PCDHGA3: variants seen among roughly 807,000 people sequenced by gnomAD.
PCDHGA3 encodes protocadherin gamma-A3.
In PCDHGA3, 40 loss-of-function variants were observed where a neutral mutation model predicts 58.5. The observed-to-expected ratio is 0.68, with a 90% confidence interval of 0.53 to 0.89. PCDHGA3 has a LOEUF of 0.89. PCDHGA3 is among the 40% of genes least tolerant of loss of function. PCDHGA3 has a pLI of 0.00. For missense variants in PCDHGA3, 1,223 were observed against 1,195.9 expected (o/e 1.02, Z -0.33); for synonymous variants, 530 against 525.7 (o/e 1.01, Z -0.11).
intron 1 of PCDHGA3, chr5:141,376,511 A>T (rs1772759246): frequency 6.2e-7 from 1 of 1,613,966 alleles, no homozygotes; most frequent in Non-Finnish European, 8.5e-7. Flanking sequence ...ACTTCAGGTG[A>T]GTTTCTTTCC....
Position 141,345,230 on chromosome 5 carries a change from T to A in PCDHGA3, c.1197T>A (p.Asp399Glu), listed in dbSNP as rs1422786887. The A allele has an allele frequency of 6.2e-7, 1 of 1,613,746 alleles. No individual in the cohort carries two copies. Among genetic ancestry groups the A allele is most frequent in the Admixed American group, 1.7e-5 (1 of 60,006 alleles). Reference sequence around the variant, plus strand: ...CATTTAAGTTAGAAAAATCAATAGATCAATATTACCGCTTAGTGACGGCCA... The same window carrying A: ...CATTTAAGTTAGAAAAATCAATAGAACAATATTACCGCTTAGTGACGGCCA... ...NLPFKLEKSI[D>E]QYYRLVTATS... Residue 399 changes from aspartate to glutamate, a missense_variant, in exon 1 of 4, where the codon GAT becomes GAA. This residue lies in a region of PCDHGA3 where 791 missense variants were observed against 708.5 expected (regional missense o/e 1.12). Coordinates refer to ENST00000253812, the MANE Select transcript of PCDHGA3 (RefSeq NM_018916.4).
At chr5:141,377,605 C>CAAAA (rs71576112) in intron 1 of PCDHGA3, 1 of 140,670 alleles carries the variant, frequency 7.1e-6, no homozygotes. Flanking sequence ...CTCTCTCTCT[C>CAAAA]AAAAAAAAAA....
chr5:141,424,880 C>G (rs2096845847), intron 1 of PCDHGA3, among the ~76,000 whole-genome samples: 1 of 152,162 alleles, frequency 6.6e-6, no homozygotes, highest in Admixed American at 6.5e-5. Context: ...GGAAAGGAGA[C>G]TTATCTAGGG....
chr5:141,388,016 C>T lies in PCDHGA3; in HGVS notation c.2424+41559C>T, dbSNP rs1026420398. Reference sequence around the variant, plus strand: ...GGATTCCCGAGGAAATGCCCAAGGGCTCCGTAGTGGGGAACCTCGCCACGG... The same window carrying T: ...GGATTCCCGAGGAAATGCCCAAGGGTTCCGTAGTGGGGAACCTCGCCACGG... On this transcript the variant is annotated intron_variant, in intron 1 of 3. Coordinates refer to ENST00000253812, the MANE Select transcript of PCDHGA3 (RefSeq NM_018916.4). 4.1e-6 allele frequency: 6 copies of T among 1,465,422 alleles called. No individual in the cohort carries two copies. In the African/African-American group the frequency reaches 7.1e-5, roughly 17 times the overall value. The allele number at this position is 1,465,422 out of a possible 1,614,324, so 90.8% of individuals were successfully genotyped here.
chr5:141,465,574 C>T (rs1477852984), intron 1 of PCDHGA3, among the ~76,000 whole-genome samples: 2 of 152,160 alleles, frequency 1.3e-5, no homozygotes, highest in Admixed American at 1.3e-4. Context: ...TTTCTCAAAA[C>T]ACTCTCATAA....
At chr5:141,409,867 C>T (rs376725837) in intron 1 of PCDHGA3, 35 of 1,612,662 alleles carry the variant, frequency 2.2e-5, no homozygotes, top group African/African-American at 2.1e-4. Flanking sequence ...TGGGAGACCG[C>T]AATGACAACG....
In PCDHGA3 at chr5:141,346,554, G is replaced by A. The variant is rs773661816; in HGVS notation, c.2424+97G>A. On this transcript the variant is annotated intron_variant, in intron 1 of 3. Coordinates refer to ENST00000253812, the MANE Select transcript of PCDHGA3 (RefSeq NM_018916.4). ...ATGTATTTGAGAAATAAAGCCATGA[G>A]GTTGTCATTAGTCCTTTGACTAAAT... is the stretch of plus-strand genomic sequence containing the variant. The A allele has an allele frequency of 5.3e-6, 8 of 1,507,182 alleles. No individual in the cohort carries two copies. In the Admixed American group the frequency reaches 8.2e-5, roughly 15 times the overall value. The allele number at this position is 1,507,182 out of a possible 1,614,324, so 93.4% of individuals were successfully genotyped here.
At position 141,345,240 on chromosome 5, in the gene PCDHGA3, C is replaced by G. The variant is rs757266874; in HGVS notation, c.1207C>G (p.Arg403Gly). The change falls in exon 1 of 4, where the codon CGC becomes GGC. Residue 403 changes from arginine (R) to glycine (G), a missense_variant. By Grantham distance (125) the Arg-to-Gly change is moderately radical (BLOSUM62 -2). Transcript: ENST00000253812. Reference sequence around the variant, plus strand: ...AGAAAAATCAATAGATCAATATTACCGCTTAGTGACGGCCACATCCCTGGA... The same window carrying G: ...AGAAAAATCAATAGATCAATATTACGGCTTAGTGACGGCCACATCCCTGGA... ...KLEKSIDQYY[R>G]LVTATSLDRE... The G allele has an allele frequency of 1.9e-6, 3 of 1,613,924 alleles. No individual in the cohort carries two copies. Among genetic ancestry groups the G allele is most frequent in the South Asian group, 1.1e-5 (1 of 91,078 alleles).
At chr5:141,366,768 G>A (rs903318821) in intron 1 of PCDHGA3, 26 of 1,601,610 alleles carry the variant, frequency 1.6e-5, no homozygotes, top group Non-Finnish European at 2.0e-5. Flanking sequence ...TTTCTCTTTC[G>A]GTAAGGATGA....
At chr5:141,354,323 T>C (rs552876054) in intron 1 of PCDHGA3, among the ~76,000 whole-genome samples, 3 of 152,226 alleles carry the variant, frequency 2.0e-5, no homozygotes, top group Non-Finnish European at 4.4e-5. Flanking sequence ...TACTACTCTA[T>C]GAAAGGTATT....
chr5:141,494,855 G>C lies in PCDHGA3; in HGVS notation c.2473G>C (p.Gly825Arg), dbSNP rs200418116. The C allele has an allele frequency of 6.2e-7, 1 of 1,614,092 alleles. No homozygotes were observed. Among genetic ancestry groups the C allele is most frequent in the South Asian group, 1.1e-5 (1 of 91,072 alleles). ...DWRFSQAQRP[G>R]TSGSQNGDDT... is the part of the protein sequence containing the mutation. ...GCGTTTCTCTCAGGCCCAGAGACCC[G>C]GCACCAGCGGGTAGGTGACTGATTC... The change falls in exon 2 of 4, where the codon GGC (glycine) becomes CGC (arginine). Residue 825 changes from glycine (G) to arginine (R), a missense_variant. Transcript: ENST00000253812.
intron 1 of PCDHGA3, chr5:141,392,820 G>C (rs1474865202): frequency 1.3e-6 from 2 of 1,592,748 alleles, no homozygotes; most frequent in Admixed American, 3.6e-5. Context: ...AACAATGGCC[G>C]CTCCACAGAG....
intron 1 of PCDHGA3, chr5:141,479,660 A>G (rs1206947602): frequency 6.6e-6 from 1 of 152,266 alleles, no homozygotes; most frequent in African/African-American, 2.4e-5. Flanking sequence ...ACAATCCCAG[A>G]AACTACAAAA....
At chr5:141,460,961 A>ATATGTGTG (rs1463306338) in intron 1 of PCDHGA3, among the ~76,000 whole-genome samples, 3 of 144,556 alleles carry the variant, frequency 2.1e-5, no homozygotes, top group African/African-American at 7.8e-5. Context: ...GTATATATAT[A>ATATGTGTG]TGTGTGTGTG....
chr5:141,425,795 T>A (rs2096894407), intron 1 of PCDHGA3, among the ~76,000 whole-genome samples: 1 of 152,244 alleles, frequency 6.6e-6, no homozygotes, highest in Non-Finnish European at 1.5e-5. Flanking sequence ...TTCCAATATG[T>A]GCATTGCTTC....
chr5:141,443,118 C>A (rs1474257262), intron 1 of PCDHGA3, among the ~76,000 whole-genome samples: 1 of 151,762 alleles, frequency 6.6e-6, no homozygotes, highest in Non-Finnish European at 1.5e-5. Flanking sequence ...GCTTTTCAAA[C>A]CAGATTAAGA....
chr5:141,465,627 A>C lies in PCDHGA3; in HGVS notation c.2425-29180A>C, dbSNP rs370355596. 1.1e-4 allele frequency among the ~76,000 whole-genome samples: 17 copies of C among 152,326 alleles called. 1 individual carries two copies. The South Asian group carries it at 3.3e-3, about 30-fold the overall frequency. On this transcript the variant is annotated intron_variant, in intron 1 of 3. Coordinates refer to ENST00000253812, the MANE Select transcript of PCDHGA3 (RefSeq NM_018916.4). ...TCTTTGGCCCTCCAGGAAGTCAACCAGCAAAATGCTTTGAACATCCCAAAA... is the reference window on the plus strand; with the variant it reads ...TCTTTGGCCCTCCAGGAAGTCAACCCGCAAAATGCTTTGAACATCCCAAAA...
Position 141,383,405 on chromosome 5 carries a change from G to A in PCDHGA3, c.2424+36948G>A, listed in dbSNP as rs189408749. 100 of 1,614,016 alleles carry A rather than the reference G, an allele frequency of 6.2e-5. No individual in the cohort carries two copies. In the Middle Eastern group the frequency reaches 9.9e-4, roughly 16 times the overall value. ...GATGTGGGCACGAACTCCCTCCAGA[G>A]TTACCAGCTCAGCCCCAATCGCCAC... On this transcript the variant is annotated intron_variant, in intron 1 of 3. Coordinates refer to ENST00000253812, the MANE Select transcript of PCDHGA3 (RefSeq NM_018916.4).
At chr5:141,428,255 G>C in intron 1 of PCDHGA3, 1 of 875,580 alleles carries the variant, frequency 1.1e-6, no homozygotes, top group Non-Finnish European at 1.8e-6. Flanking sequence ...CCAGACTTCA[G>C]TGACAGTCCT....
Sources: allele counts gnomAD v4.1 joint callset (sites outside exome capture counted in the v4.1 genomes callset), GRCh38; gene constraint gnomAD v4.1.1; regional missense constraint gnomAD v4.1.1; transcripts MANE v1.5; gene names NCBI Gene and HGNC (gene_info 2026-07-23, HGNC 2026-07-21).